Variants in EDDM13 observed in about 807,000 individuals in gnomAD.
EDDM13 encodes epididymal protein 13.
In EDDM13, 24 loss-of-function variants were observed where a neutral mutation model predicts 17.8. The observed-to-expected ratio is 1.35, with a 90% CI of 0.98 to 1.90. The LOEUF is 1.90. EDDM13 is among the 40% of genes most tolerant of loss of function. EDDM13 has a pLI of 0.00. For synonymous variants in EDDM13, 31 were observed against 37.5 expected (o/e 0.83, Z 0.63); for missense variants, 97 against 100.8 (o/e 0.96, Z 0.16).
intron 2 of EDDM13, among the ~76,000 whole-genome samples, chr19:56,278,082 C>T (rs2038399303): frequency 6.6e-6 from 1 of 150,398 alleles, no homozygotes. Flanking sequence ...ATTTCTGCTT[C>T]AGTCTGTCAC....
intron 1 of EDDM13, among the ~76,000 whole-genome samples, chr19:56,275,561 C>G (rs771149705): frequency 9.2e-5 from 14 of 152,160 alleles, no homozygotes; most frequent in Non-Finnish European, 1.5e-4. Context: ...TGAGACTCAT[C>G]TCTACAAAAA....
chr19:56,299,976 GTAA>G (rs1053917922), intron 12 of EDDM13: 1 of 152,212 alleles, frequency 6.6e-6, no homozygotes. Context: ...CAAGAGAAAG[GTAA>G]TAATAGGCAA....
intron 2 of EDDM13, among the ~76,000 whole-genome samples, chr19:56,278,787 C>G (rs2038455747): frequency 6.6e-6 from 1 of 152,140 alleles, no homozygotes; most frequent in African/African-American, 2.4e-5. Context: ...GCTGTTGGTT[C>G]AAGTCCTAGA....
chr19:56,301,871 G>A, intron 12 of EDDM13, 97 bp from the exon 13 acceptor site: 1 of 1,223,244 alleles, frequency 8.2e-7, no homozygotes, highest in Non-Finnish European at 1.0e-6. Context: ...GCAGAGATGT[G>A]AGTTTGGAGA....
intron 5 of EDDM13, 64 bp from the exon 6 acceptor site, chr19:56,284,934 C>G (rs2038992433): frequency 1.2e-6 from 1 of 837,532 alleles, no homozygotes; most frequent in African/African-American, 1.8e-5. Context: ...TGGGAGAAAT[C>G]CATTAATTAG....
intron 13 of EDDM13, among the ~76,000 whole-genome samples, chr19:56,302,581 C>CCTCTTCCTTTTCTTCCTCCCCTCTT (rs1555807487): frequency 5.0e-5 from 2 of 39,990 alleles, no homozygotes; most frequent in African/African-American, 3.5e-4. Flanking sequence ...TTCTTCCTCC[C>CCTCTTCCTTTTCTTCCTCCCCTCTT]CCTTTTCTTC....
chr19:56,305,509 C>T (rs1456176688), intron 14 of EDDM13, among the ~76,000 whole-genome samples: 2 of 152,184 alleles, frequency 1.3e-5, no homozygotes, highest in African/African-American at 4.8e-5. Context: ...TTGCTCCCAC[C>T]TTTTGACTGT....
At chr19:56,295,446 T>G (rs1365670429) in intron 9 of EDDM13, among the ~76,000 whole-genome samples, 2 of 151,872 alleles carry the variant, frequency 1.3e-5, no homozygotes, top group Non-Finnish European at 2.9e-5. Flanking sequence ...AATACAAAAA[T>G]TAGCCGGGTG....
intron 1 of EDDM13, among the ~76,000 whole-genome samples, chr19:56,273,261 C>T (rs151204596): frequency 9.2e-5 from 14 of 152,288 alleles, no homozygotes; most frequent in Middle Eastern, 3.4e-3. Flanking sequence ...GACGAGCTTA[C>T]GTTGTGCAGT....
chr19:56,295,350 T>C (rs1025139670), intron 9 of EDDM13, among the ~76,000 whole-genome samples: 2 of 151,894 alleles, frequency 1.3e-5, no homozygotes, highest in Admixed American at 1.3e-4. Flanking sequence ...TCCCAGCACT[T>C]TGGGAGGCTG....
chr19:56,302,393 CCCTA>C (rs1472184221), intron 13 of EDDM13, among the ~76,000 whole-genome samples: 3 of 144,406 alleles, frequency 2.1e-5, no homozygotes, highest in Non-Finnish European at 4.6e-5. Context: ...TCTCCTCCCT[CCCTA>C]TTCTTTCCTC....
intron 9 of EDDM13, among the ~76,000 whole-genome samples, chr19:56,293,229 C>T (rs1420799301): frequency 6.6e-6 from 1 of 152,190 alleles, no homozygotes; most frequent in Admixed American, 6.5e-5. Flanking sequence ...TGACTCATGA[C>T]AGTCCCCAAG....
intron 9 of EDDM13, among the ~76,000 whole-genome samples, chr19:56,294,244 G>A (rs924169566): frequency 1.3e-5 from 2 of 152,142 alleles, no homozygotes; most frequent in Non-Finnish European, 2.9e-5. Context: ...GCCAAGCTCT[G>A]TACTGGGCGA....
At chr19:56,286,419 T>C (rs1359991681) in intron 6 of EDDM13, 1 of 152,164 alleles carries the variant, frequency 6.6e-6, no homozygotes, top group African/African-American at 2.4e-5. Flanking sequence ...GCTGCATCTA[T>C]GCACCGCCAG....
intron 9 of EDDM13, among the ~76,000 whole-genome samples, chr19:56,292,706 A>T (rs1415267608): frequency 6.6e-6 from 1 of 152,064 alleles, no homozygotes; most frequent in African/African-American, 2.4e-5. Context: ...GTACCCATTA[A>T]ACAGTCAGTC....
chr19:56,278,669 G>C (rs1186118407), intron 2 of EDDM13, among the ~76,000 whole-genome samples: 1 of 152,190 alleles, frequency 6.6e-6, no homozygotes, highest in African/African-American at 2.4e-5. Context: ...AGAACCAGGA[G>C]GGCCAGTAGT....
At chr19:56,289,106 G>A (rs2039339548) in intron 8 of EDDM13, among the ~76,000 whole-genome samples, 1 of 152,204 alleles carries the variant, frequency 6.6e-6, no homozygotes, top group Non-Finnish European at 1.5e-5. Flanking sequence ...TGCAAGGGGA[G>A]AGTGGGAAAG....
intron 12 of EDDM13, among the ~76,000 whole-genome samples, chr19:56,300,564 C>T (rs1169019786): frequency 1.3e-5 from 2 of 152,188 alleles, no homozygotes; most frequent in East Asian, 3.9e-4. Context: ...GGTCATAATG[C>T]TGGCCGCAGG....
intron 2 of EDDM13, among the ~76,000 whole-genome samples, chr19:56,277,773 G>A (rs1201316866): frequency 6.6e-6 from 1 of 152,084 alleles, no homozygotes; most frequent in Non-Finnish European, 1.5e-5. Context: ...TGGCAGGGAG[G>A]TGAGGGATGA....
Sources: gnomAD v4.1 joint callset for allele counts (sites outside exome capture counted in the v4.1 genomes callset) on GRCh38, gnomAD v4.1.1 for gene constraint, MANE v1.5 for transcripts, NCBI Gene and HGNC (gene_info 2026-07-23, HGNC 2026-07-21) for gene names.